FGD4: variants seen among roughly 807,000 people sequenced by gnomAD.
FGD4 encodes the protein FYVE, RhoGEF and PH domain-containing protein 4.
FGD4 carries 42 observed loss-of-function variants against 102.0 expected under a neutral mutation model. The ratio of observed to expected loss-of-function variants is 0.41; its 90% CI spans 0.32 to 0.53. The LOEUF (loss-of-function observed/expected upper bound fraction) is 0.53. FGD4 is among the 20% of genes least tolerant of loss of function. The pLI is 0.21. For missense variants in FGD4, 902 were observed against 1,078.2 expected, an observed-to-expected ratio of 0.84 and a Z score of 2.29; for synonymous variants, 380 against 375.7, an observed-to-expected ratio of 1.01 and a Z score of -0.13.
At chr12:32,462,206 C>CT (rs1943122820) in intron 1 of FGD4, among the ~76,000 whole-genome samples, 4 of 151,640 alleles carry the variant, frequency 2.6e-5, no homozygotes, top group Non-Finnish European at 2.9e-5. Context: ...TGTGGTTTGC[C>CT]TTTTTTTTGC....
chr12:32,579,060 T>G (rs1946379654), intron 3 of FGD4, among the ~76,000 whole-genome samples: 1 of 146,422 alleles, frequency 6.8e-6, no homozygotes, highest in Non-Finnish European at 1.5e-5. Flanking sequence ...TTTTTTTTTT[T>G]TTTGAGACAG....
chr12:32,625,854 C>A, intron 14 of FGD4, 75 bp downstream of exon 14: 1 of 1,585,282 alleles, frequency 6.3e-7, no homozygotes, highest in Non-Finnish European at 8.6e-7. Context: ...TAGGGACACA[C>A]AAAAAAATGA....
chr12:32,601,077 A>G (rs1162581268), intron 5 of FGD4, among the ~76,000 whole-genome samples: 1 of 152,188 alleles, frequency 6.6e-6, no homozygotes, highest in East Asian at 1.9e-4. Context: ...CCTAGATTAG[A>G]ATCAAAGCTT....
chr12:32,525,505 G>A (rs576484566), intron 1 of FGD4, among the ~76,000 whole-genome samples: 1 of 152,338 alleles, frequency 6.6e-6, no homozygotes, highest in Admixed American at 6.5e-5. Context: ...AGGTGACAGC[G>A]TGCTGGCAGT....
chr12:32,473,259 C>T (rs1322856763), intron 1 of FGD4, among the ~76,000 whole-genome samples: 5 of 152,030 alleles, frequency 3.3e-5, no homozygotes, highest in South Asian at 4.2e-4. Context: ...CTCGTGTCCC[C>T]TTCCACACTG....
intron 1 of FGD4, among the ~76,000 whole-genome samples, chr12:32,519,220 T>C (rs894124188): frequency 6.6e-6 from 1 of 152,006 alleles, no homozygotes; most frequent in African/African-American, 2.4e-5. Context: ...AGTAAATATT[T>C]AGCAGGTTCT....
intron 1 of FGD4, among the ~76,000 whole-genome samples, chr12:32,509,889 C>T (rs16919969): frequency 0.11 from 16,924 of 152,040 alleles, 1,837 homozygotes; most frequent in African/African-American, 0.28. Context: ...TGGCAGAAAA[C>T]GTGGCCACCT....
At chr12:32,516,260 A>G (rs1051585832) in intron 1 of FGD4, among the ~76,000 whole-genome samples, 2 of 152,258 alleles carry the variant, frequency 1.3e-5, no homozygotes, top group Non-Finnish European at 2.9e-5. Context: ...ACTCCTGAGC[A>G]TCTGAGGCAG....
At chr12:32,487,634 C>T (rs1210812709) in intron 1 of FGD4, among the ~76,000 whole-genome samples, 2 of 152,156 alleles carry the variant, frequency 1.3e-5, no homozygotes, top group Admixed American at 6.5e-5. Context: ...GCCATGTTGG[C>T]CAGGCTGGTC....
rs371867004 is a variant in FGD4, at chr12:32,616,739, G to A, written c.1750-2959G>A. 7.2e-5 allele frequency among the ~76,000 whole-genome samples: 11 copies of A among 152,276 alleles called. 2 individuals carry two copies. The highest frequency in any genetic ancestry group is 1.3e-4 in the Admixed American group (2 of 15,296). On this transcript the variant is annotated intron_variant, in intron 10 of 16. Coordinates refer to ENST00000534526, the MANE Select transcript of FGD4 (RefSeq NM_001370298.3). ...CTATCTGCTTTTAAATGATCTTCAT[G>A]TGTTTGCATATTTTCATGCCTCCAT...
At chr12:32,492,441 A>G (rs552962063) in intron 1 of FGD4, among the ~76,000 whole-genome samples, 2 of 152,334 alleles carry the variant, frequency 1.3e-5, no homozygotes, top group South Asian at 4.1e-4. Context: ...TAACTTTCAG[A>G]AATGCACCAA....
At chr12:32,410,055 G>C (rs1003197020) in intron 1 of FGD4, among the ~76,000 whole-genome samples, 5 of 151,388 alleles carry the variant, frequency 3.3e-5, no homozygotes, top group African/African-American at 7.3e-5. Flanking sequence ...TGGACCTGGT[G>C]CGGTGGCTCA....
intron 1 of FGD4, among the ~76,000 whole-genome samples, chr12:32,515,261 G>A (rs933429329): frequency 6.6e-6 from 1 of 152,206 alleles, no homozygotes; most frequent in Non-Finnish European, 1.5e-5. Flanking sequence ...ACTCCAATAA[G>A]GAGAATTCCA....
chr12:32,425,333 C>G (rs1327301320), intron 1 of FGD4, among the ~76,000 whole-genome samples: 2 of 152,192 alleles, frequency 1.3e-5, no homozygotes, highest in Admixed American at 1.3e-4. Flanking sequence ...ATAGGGAATC[C>G]TTTCCCCATT....
chr12:32,549,717 G>A (rs1943503274), intron 1 of FGD4, among the ~76,000 whole-genome samples: 1 of 152,176 alleles, frequency 6.6e-6, no homozygotes, highest in African/African-American at 2.4e-5. Context: ...GGACGGCTGA[G>A]GCCAGTGAAT....
At chr12:32,453,239 T>TATA (rs1398906599) in intron 1 of FGD4, among the ~76,000 whole-genome samples, 5 of 48,178 alleles carry the variant, frequency 1.0e-4, no homozygotes, top group Admixed American at 3.1e-4. Flanking sequence ...ATATATATAT[T>TATA]TTTTTTTTTT....
intron 1 of FGD4, among the ~76,000 whole-genome samples, chr12:32,440,026 C>G (rs1291781072): frequency 6.7e-6 from 1 of 148,246 alleles, no homozygotes; most frequent in African/African-American, 2.5e-5. Flanking sequence ...TTAAATTTAT[C>G]AGATAGAATT....
chr12:32,590,599 G>A (rs899749635), intron 4 of FGD4, among the ~76,000 whole-genome samples: 3 of 152,134 alleles, frequency 2.0e-5, no homozygotes, highest in East Asian at 1.9e-4. Context: ...TCACAGACCC[G>A]GGTTTGAATC....
At chr12:32,409,530 G>C (rs890629795) in intron 1 of FGD4, among the ~76,000 whole-genome samples, 2 of 150,482 alleles carry the variant, frequency 1.3e-5, no homozygotes, top group African/African-American at 4.9e-5. Flanking sequence ...CAGGTGATCC[G>C]CCTGCCTCGG....
Sources: allele counts gnomAD v4.1 joint callset (sites outside exome capture counted in the v4.1 genomes callset), GRCh38; gene constraint gnomAD v4.1.1; transcripts MANE v1.5; gene names NCBI Gene and HGNC (gene_info 2026-07-23, HGNC 2026-07-21).